The following TEX15 variants were observed in gnomAD, a reference collection of about 807,000 sequenced individuals.
TEX15 encodes the protein testis expressed 15, meiosis and synapsis associated.
In TEX15, 171 loss-of-function variants were observed where a neutral mutation model predicts 237.3. The ratio of observed to expected loss-of-function variants is 0.72; its 90% CI spans 0.64 to 0.82. The LOEUF is 0.82. Ranked by LOEUF, TEX15 falls within the 40% of genes least tolerant of loss-of-function variation. The pLI is 0.00. For synonymous variants in TEX15, 1,338 were observed against 1,269.8 expected, an observed-to-expected ratio of 1.05 and a Z score of -1.14; for missense variants, 3,750 against 3,646.5, an observed-to-expected ratio of 1.03 and a Z score of -0.73.
rs1238723433 is a variant in TEX15, at chr8:30,844,492, G to C, written c.5675C>G (p.Thr1892Ser). 6.2e-7 allele frequency: 1 copy of C among 1,613,192 alleles called. No individual in the cohort carries two copies. The highest frequency in any genetic ancestry group is 1.7e-5 in the Admixed American group (1 of 59,978). Reference sequence around the variant, plus strand: ...GCTCAGATGGGAATCAATCAAGTTAGTTGTAATAATTTTCTCATTTAAGCA... The same window carrying C: ...GCTCAGATGGGAATCAATCAAGTTACTTGTAATAATTTTCTCATTTAAGCA... ...ESCLNEKIIT[T>S]NLIDSHLSTK... Residue 1892 changes from threonine (T) to serine (S), a missense_variant, in exon 8 of 11, where the codon ACT becomes AGT. Physicochemically the swap from Thr to Ser is moderately conservative, Grantham distance 58. Transcript: ENST00000643185.
rs556891156 is a variant in TEX15, at chr8:30,890,103, C to A, written c.-9-2792G>T. Among the ~76,000 whole-genome samples, 3 of 150,882 alleles carry A rather than the reference C, an allele frequency of 2.0e-5. No homozygotes were observed. In the East Asian group the frequency reaches 5.8e-4, roughly 29 times the overall value. ...AATAATGTACACGGCAATACATATA[C>A]CATGTACTTCATAGTACATATGGTA... On this transcript the variant is annotated intron_variant, in intron 2 of 10. Transcript: ENST00000643185.
intron 2 of TEX15, among the ~76,000 whole-genome samples, chr8:30,897,354 G>C (rs1428961826): frequency 6.6e-6 from 1 of 152,106 alleles, no homozygotes; most frequent in African/African-American, 2.4e-5. Context: ...GCAAGAAATT[G>C]TACACTGTAT....
Position 30,846,562 on chromosome 8 carries a change from C to T in TEX15, c.3605G>A (p.Gly1202Glu). Reference protein sequence around the residue: ...EINKEDGEILGFDIYSQPFGE... With the variant: ...EINKEDGEILEFDIYSQPFGE... ...AAAAGGCTGGGAATAAATGTCAAAT[C>T]CTAGAATTTCTCCATCTTCCTTATT... Residue 1202 changes from glycine to glutamate, a missense_variant, in exon 8 of 11, where the codon GGA becomes GAA. Gly to Glu is a moderately conservative substitution (Grantham distance 98). Transcript: ENST00000643185. 1 of 1,613,740 alleles carries T rather than the reference C, an allele frequency of 6.2e-7. No individual in the cohort carries two copies. The highest frequency in any genetic ancestry group is 8.5e-7 in the Non-Finnish European group (1 of 1,179,744).
In TEX15 at chr8:30,847,662, C is replaced by T. The variant is rs780514204; in HGVS notation, c.2505G>A (p.Gln835=). The T allele has an allele frequency of 3.7e-6, 6 of 1,613,798 alleles. No individual in the cohort carries two copies. In the South Asian group the frequency reaches 4.4e-5, roughly 12 times the overall value. Residue 835 remains glutamine, a synonymous_variant, in exon 8 of 11, where the codon CAG becomes CAA. Coordinates refer to ENST00000643185, the MANE Select transcript of TEX15 (RefSeq NM_001350162.2). ...KETAYVEDRG[Q]DHNLFCNSQL... ...GTGAATTACAGAACAGATTGTGATCCTGACCCCTATCTTCAACATAAGCAG... is the reference window on the plus strand; with the variant it reads ...GTGAATTACAGAACAGATTGTGATCTTGACCCCTATCTTCAACATAAGCAG...
Position 30,843,936 on chromosome 8 carries a change from T to G in TEX15, c.6231A>C (p.Gln2077His). 1 of 1,612,994 alleles carries G rather than the reference T, an allele frequency of 6.2e-7. No homozygotes were observed. The highest frequency in any genetic ancestry group is 2.2e-5 in the East Asian group (1 of 44,858). The change falls in exon 8 of 11, where the codon CAA becomes CAC. Residue 2077 changes from glutamine to histidine, a missense_variant. Physicochemically the swap from Gln to His is conservative, Grantham distance 24. Transcript: ENST00000643185. ...PCAVDTLVEL[Q>H]MMMETIQFIE... ...TGAATTGAATTGTTTCCATCATCAT[T>G]TGAAGTTCTACCAAAGTGTCAACAG...
At chr8:30,838,946 G>A (rs936755225) in intron 9 of TEX15, among the ~76,000 whole-genome samples, 1 of 150,286 alleles carries the variant, frequency 6.7e-6, no homozygotes, top group African/African-American at 2.4e-5. Flanking sequence ...CTCCCAAGTA[G>A]CTGGGACTAC....
chr8:30,833,693 A>AT (rs1352360176), intron 10 of TEX15, among the ~76,000 whole-genome samples: 1 of 152,204 alleles, frequency 6.6e-6, no homozygotes, highest in East Asian at 1.9e-4. Flanking sequence ...GGATTTTCAC[A>AT]TTTTTAAGAA....
In TEX15 at chr8:30,842,163, G is replaced by C. The variant is rs1030177540; in HGVS notation, c.8004C>G (p.Asn2668Lys). 27 of 1,612,132 alleles carry C rather than the reference G, an allele frequency of 1.7e-5. No individual in the cohort carries two copies. The highest frequency in any genetic ancestry group is 2.3e-5 in the Non-Finnish European group (27 of 1,179,258). ...ACATCGTAGAAATACTAAATTTATT[G>C]TTATTTTCCCCAGGTTTTACAATAT... is the stretch of plus-strand genomic sequence containing the variant. ...NIHIVKPGEN[N>K]NKFSISTMLP... is the part of the protein sequence containing the mutation. The change falls in exon 8 of 11, where the codon AAC (asparagine) becomes AAG (lysine). Residue 2668 changes from asparagine to lysine, a missense_variant. Asn to Lys is a moderately conservative substitution (Grantham distance 94). Coordinates refer to ENST00000643185, the MANE Select transcript of TEX15 (RefSeq NM_001350162.2).
Position 30,845,708 on chromosome 8 carries a change from G to A in TEX15, c.4459C>T (p.Leu1487Phe). 2.5e-6 allele frequency: 4 copies of A among 1,613,600 alleles called. No individual in the cohort carries two copies. The highest frequency in any genetic ancestry group is 2.2e-5 in the East Asian group (1 of 44,866). Residue 1487 changes from leucine to phenylalanine, a missense_variant, in exon 8 of 11, where the codon CTT becomes TTT. Physicochemically the swap from Leu to Phe is conservative, Grantham distance 22 (BLOSUM62 0). Coordinates refer to ENST00000643185, the MANE Select transcript of TEX15 (RefSeq NM_001350162.2). The stretch of plus-strand genomic sequence containing the variant: ...CTGCTAGCCATACTTTTCCTAGAAA[G>A]GCATTTTTTCTCTCCACTTGTTTTA... The part of the protein sequence containing the change: ...SYKTSGEKKC[L>F]SRKSMASSVS...
chr8:30,837,818 AT>A lies in TEX15; in HGVS notation c.8465del (p.Asn2822MetfsTer2). On this transcript the variant is annotated frameshift_variant, in exon 10 of 11. Transcript: ENST00000643185. LOFTEE classifies it high-confidence loss of function. Reference protein sequence around the residue: ...QENLNSMKKRNVNFSAAETKS... With the variant: ...QENLNSMKKRXVNFSAAETKS... ...TTGTTTCAGCAGCACTGAAGTTCAC[AT>A]TTCTTTTCTTCATGCTATTTAAATT... 6.2e-7 allele frequency: 1 copy of A among 1,614,122 alleles called. No individual in the cohort carries two copies. The highest frequency in any genetic ancestry group is 8.5e-7 in the Non-Finnish European group (1 of 1,180,002).
At chr8:30,858,161 G>C (rs957348020) in intron 7 of TEX15, among the ~76,000 whole-genome samples, 2 of 152,138 alleles carry the variant, frequency 1.3e-5, no homozygotes, top group African/African-American at 2.4e-5. Context: ...CCAAGAAAAT[G>C]AACAAACTAC....
intron 1 of TEX15, among the ~76,000 whole-genome samples, chr8:30,911,457 T>C (rs1020329297): frequency 1.1e-4 from 16 of 152,046 alleles, no homozygotes; most frequent in African/African-American, 3.9e-4. Context: ...TCGCCAAAGC[T>C]TGTATCACTT....
At chr8:30,899,422 T>C (rs771351305) in intron 1 of TEX15, among the ~76,000 whole-genome samples, 1 of 152,164 alleles carries the variant, frequency 6.6e-6, no homozygotes, top group African/African-American at 2.4e-5. Flanking sequence ...TCTAAACCAC[T>C]ACACTATTCA....
At chr8:30,862,521 GGCTTTTT>G (rs1455467494) in intron 5 of TEX15, among the ~76,000 whole-genome samples, 25 of 152,030 alleles carry the variant, frequency 1.6e-4, no homozygotes, top group Non-Finnish European at 2.9e-5. Flanking sequence ...GTTACTGCTG[GGCTTTTT>G]GGACTTTTTA....
chr8:30,907,972 C>T (rs924455752), intron 1 of TEX15, among the ~76,000 whole-genome samples: 1 of 152,026 alleles, frequency 6.6e-6, no homozygotes, highest in African/African-American at 2.4e-5. Context: ...GATGCAGAGG[C>T]ACAGTGATGG....
intron 3 of TEX15, among the ~76,000 whole-genome samples, chr8:30,878,295 T>C (rs528920007): frequency 2.6e-5 from 4 of 152,166 alleles, no homozygotes; most frequent in Non-Finnish European, 4.4e-5. Context: ...CATTCATGTA[T>C]AGGTTTTTGT....
At chr8:30,852,689 G>C (rs1353993915) in intron 7 of TEX15, among the ~76,000 whole-genome samples, 6 of 151,032 alleles carry the variant, frequency 4.0e-5, no homozygotes, top group African/African-American at 1.5e-4. Context: ...AAAAACCTAC[G>C]GAAATAAAAA....
chr8:30,885,754 CTA>C (rs2128775752), intron 3 of TEX15, among the ~76,000 whole-genome samples: 1 of 152,278 alleles, frequency 6.6e-6, no homozygotes, highest in African/African-American at 2.4e-5. Context: ...CTGAGTTCAA[CTA>C]TGTCCTTAGT....
At chr8:30,873,510 G>A (rs999109858) in intron 4 of TEX15, among the ~76,000 whole-genome samples, 1 of 152,128 alleles carries the variant, frequency 6.6e-6, no homozygotes, top group Non-Finnish European at 1.5e-5. Flanking sequence ...CTAAGGTACA[G>A]ATTATCACCA....
Sources: allele counts gnomAD v4.1 joint callset (sites outside exome capture counted in the v4.1 genomes callset), GRCh38; gene constraint gnomAD v4.1.1; transcripts MANE v1.5; gene names NCBI Gene and HGNC (gene_info 2026-07-23, HGNC 2026-07-21).